Variants in ZNF366 observed in about 807,000 individuals in gnomAD.
ZNF366 encodes zinc finger protein 366, also known as dendritic cell-specific transcript protein.
Under a neutral mutation model 47.2 loss-of-function variants are expected in ZNF366, and 20 were observed. The ratio of observed to expected loss-of-function variants is 0.42; its 90% CI spans 0.30 to 0.62. The LOEUF (loss-of-function observed/expected upper bound fraction) is 0.62, where lower values mean the gene tolerates loss of function less well. Among genes scored for constraint, ZNF366 ranks in the 20% least tolerant of loss-of-function variants. ZNF366 has a pLI of 0.16. For synonymous variants in ZNF366, 421 were observed against 395.1 expected (o/e 1.07, Z -0.78); for missense variants, 987 against 976.3 (o/e 1.01, Z -0.15).
At chr5:72,465,059 AAAAAAG>A (rs1363667986) in intron 1 of ZNF366, among the ~76,000 whole-genome samples, 4 of 152,186 alleles carry the variant, frequency 2.6e-5, no homozygotes, top group African/African-American at 7.2e-5. Flanking sequence ...CTCTGTCTAA[AAAAAAG>A]AAAAAGAAAA....
At chr5:72,458,086 G>A (rs992291706) in intron 2 of ZNF366, among the ~76,000 whole-genome samples, 6 of 137,176 alleles carry the variant, frequency 4.4e-5, no homozygotes, top group East Asian at 2.1e-4. Context: ...GCGTGGTCTC[G>A]GCTCACTGCA....
intron 1 of ZNF366, among the ~76,000 whole-genome samples, chr5:72,490,574 A>C (rs79969063): frequency 0.053 from 8,124 of 152,198 alleles, 322 homozygotes; most frequent in East Asian, 0.19. Context: ...AGGCATGGGC[A>C]CTGTGCTGGG....
At chr5:72,495,177 T>A (rs1744087463) in intron 1 of ZNF366, among the ~76,000 whole-genome samples, 1 of 152,170 alleles carries the variant, frequency 6.6e-6, no homozygotes, top group South Asian at 2.1e-4. Flanking sequence ...TGGTAAAGAA[T>A]ATACAACCTG....
intron 1 of ZNF366, among the ~76,000 whole-genome samples, chr5:72,488,400 C>A (rs1400206583): frequency 6.6e-6 from 1 of 152,096 alleles, no homozygotes; most frequent in Non-Finnish European, 1.5e-5. Flanking sequence ...AATTTGGGAA[C>A]ATCCCTTTCC....
intron 3 of ZNF366, among the ~76,000 whole-genome samples, chr5:72,449,590 C>G (rs575936201): frequency 1.3e-5 from 2 of 152,282 alleles, no homozygotes; most frequent in East Asian, 3.9e-4. Context: ...AGTCACGGGT[C>G]ATTTTTAGAA....
intron 1 of ZNF366, among the ~76,000 whole-genome samples, chr5:72,471,700 A>C (rs1159013150): frequency 2.0e-5 from 3 of 152,218 alleles, no homozygotes; most frequent in Non-Finnish European, 2.9e-5. Context: ...TAGCTATTCA[A>C]ACACTTGCAT....
At chr5:72,506,570 A>G (rs1434788440) in intron 1 of ZNF366, among the ~76,000 whole-genome samples, 1 of 152,170 alleles carries the variant, frequency 6.6e-6, no homozygotes, top group Non-Finnish European at 1.5e-5. Flanking sequence ...GTTTTCCAAA[A>G]CTAAAGCTAT....
At chr5:72,463,630 T>A (rs1743375681) in intron 1 of ZNF366, among the ~76,000 whole-genome samples, 2 of 152,182 alleles carry the variant, frequency 1.3e-5, no homozygotes. Context: ...ACAAGGGCAG[T>A]GGGAGAATGA....
chr5:72,446,782 A>C lies in ZNF366; in HGVS notation c.1699+461T>G, dbSNP rs547009863. The stretch of plus-strand genomic sequence containing the variant: ...AAAAGGAAAGAAAAATTGCGTGCCC[A>C]TTCACAGCAAAGTCATGAAGAGGAT... On this transcript the variant is annotated intron_variant, in intron 4 of 4. Transcript: ENST00000318442. Among the ~76,000 whole-genome samples the C allele has an allele frequency of 5.3e-5, 8 of 152,336 alleles. No individual in the cohort carries two copies. In the South Asian group the frequency reaches 1.7e-3, roughly 32 times the overall value.
intron 3 of ZNF366, among the ~76,000 whole-genome samples, chr5:72,453,756 A>G (rs1255809860): frequency 6.6e-6 from 1 of 152,224 alleles, no homozygotes; most frequent in Non-Finnish European, 1.5e-5. Flanking sequence ...CAGGGAGAGG[A>G]AGACCCTGAC....
At chr5:72,479,959 A>G (rs1743759641) in intron 1 of ZNF366, among the ~76,000 whole-genome samples, 1 of 152,226 alleles carries the variant, frequency 6.6e-6, no homozygotes, top group Admixed American at 6.5e-5. Context: ...GTGAAAAAAC[A>G]GATATATTTA....
At chr5:72,486,012 T>C (rs10043659) in intron 1 of ZNF366, among the ~76,000 whole-genome samples, 31,696 of 152,194 alleles carry the variant, frequency 0.21, 3,483 homozygotes, top group East Asian at 0.4. Flanking sequence ...ACTCTGGCTA[T>C]CAAGCACTCC....
chr5:72,454,965 C>T (rs1229460603), intron 3 of ZNF366, among the ~76,000 whole-genome samples: 3 of 143,728 alleles, frequency 2.1e-5, no homozygotes, highest in African/African-American at 7.5e-5. Flanking sequence ...TGGCTTAATG[C>T]TCTGCTTCCA....
intron 3 of ZNF366, among the ~76,000 whole-genome samples, chr5:72,450,730 C>T (rs934784860): frequency 6.6e-6 from 1 of 152,180 alleles, no homozygotes; most frequent in African/African-American, 2.4e-5. Context: ...TTCCACCAAG[C>T]CTTTAGGTTC....
intron 2 of ZNF366, among the ~76,000 whole-genome samples, chr5:72,458,218 G>T (rs371338658): frequency 1.1e-3 from 160 of 151,846 alleles, no homozygotes; most frequent in African/African-American, 3.8e-3. Context: ...GGGTTTCACC[G>T]TGTTAGCCAG....
intron 1 of ZNF366, among the ~76,000 whole-genome samples, chr5:72,498,073 T>A (rs578239328): frequency 4.6e-5 from 7 of 152,216 alleles, no homozygotes; most frequent in African/African-American, 1.2e-4. Context: ...ATAAAATGCA[T>A]GATAAATGTT....
At chr5:72,445,224 T>C (rs6452472) in intron 4 of ZNF366, among the ~76,000 whole-genome samples, 128,274 of 152,012 alleles carry the variant, frequency 0.84, 54,314 homozygotes, top group East Asian at 0.96. Flanking sequence ...CTTTTCAGCA[T>C]GGCAGTTTCA....
In ZNF366 at chr5:72,460,372, G is replaced by T; in HGVS notation, c.1125C>A (p.Pro375=). The T allele has an allele frequency of 6.2e-7, 1 of 1,614,266 alleles. No individual in the cohort carries two copies. Among genetic ancestry groups the T allele is most frequent in the Non-Finnish European group, 8.5e-7 (1 of 1,180,056 alleles). ...GGTGTCTCTTCAGCTGGGCCAAGGT[G>T]GGGAAGTCGAGGCCGCACTCCACAC... ...NICVECGLDF[P]TLAQLKRHLT... Residue 375 remains proline, a synonymous_variant, in exon 2 of 5, where the codon CCC becomes CCA. Coordinates refer to ENST00000318442, the MANE Select transcript of ZNF366 (RefSeq NM_152625.3).
chr5:72,492,345 G>T (rs1461804348), intron 1 of ZNF366, among the ~76,000 whole-genome samples: 1 of 152,170 alleles, frequency 6.6e-6, no homozygotes, highest in African/African-American at 2.4e-5. Context: ...GTGCCAAGGA[G>T]CACTAGCTGC....
Sources: allele counts gnomAD v4.1 joint callset (sites outside exome capture counted in the v4.1 genomes callset), GRCh38; gene constraint gnomAD v4.1.1; transcripts MANE v1.5; gene names NCBI Gene and HGNC (gene_info 2026-07-23, HGNC 2026-07-21).